Variants in SCEL observed in about 807,000 individuals in gnomAD.
SCEL encodes sciellin.
In SCEL, 113 loss-of-function variants were observed where a neutral mutation model predicts 117.6. The ratio of observed to expected loss-of-function variants is 0.96; its 90% CI spans 0.83 to 1.12. The LOEUF is 1.12. Ranked by LOEUF, SCEL falls within the 50% of genes most tolerant of loss-of-function variation. The probability of loss-of-function intolerance (pLI) is 0.00; values close to 1 mark genes in which losing one functional copy is unlikely to be tolerated. For synonymous variants in SCEL, 270 were observed against 256.2 expected (o/e 1.05, Z -0.51); for missense variants, 785 against 810.8 (o/e 0.97, Z 0.39).
At chr13:77,605,254 A>G (rs1290551563) in intron 19 of SCEL, among the ~76,000 whole-genome samples, 1 of 152,168 alleles carries the variant, frequency 6.6e-6, no homozygotes, top group Non-Finnish European at 1.5e-5. Context: ...CTGCAGGCCC[A>G]GTTGGGAGGG....
intron 29 of SCEL, 53 bp downstream of exon 29, chr13:77,634,503 T>C: frequency 3.8e-6 from 5 of 1,326,794 alleles, no homozygotes; most frequent in Non-Finnish European, 5.4e-6. Flanking sequence ...TTTGAAAGGA[T>C]CTATGTTTAA....
Position 77,597,556 on chromosome 13 carries a change from A to G in SCEL, c.764A>G (p.Asp255Gly). 1 of 1,491,144 alleles carries G rather than the reference A, an allele frequency of 6.7e-7. No homozygotes were observed. Among genetic ancestry groups the G allele is most frequent in the African/African-American group, 1.4e-5 (1 of 69,798 alleles). The allele number at this position is 1,491,144 out of a possible 1,614,324, so 92.4% of individuals were successfully genotyped here. A position where few individuals can be genotyped will look rare whatever the true frequency, so the allele number is the denominator to read the frequency against. Reference protein sequence around the residue: ...LQRSDKGEELDNLIKMNKSLN... With the variant: ...LQRSDKGEELGNLIKMNKSLN... ...TTCTCTTCCCAAAGTGAAGAATTGG[A>G]TAATCTCATCAAAATGAACAAAAGC... The change falls in exon 13 of 33, where the codon GAT becomes GGT. Residue 255 changes from aspartate to glycine, a missense_variant. Coordinates refer to ENST00000349847, the MANE Select transcript of SCEL (RefSeq NM_144777.3).
At position 77,556,675 on chromosome 13, in the gene SCEL, GGATAACA is replaced by G; in HGVS notation, c.125_131del (p.Asp42ValfsTer3). The G allele has an allele frequency of 6.2e-7, 1 of 1,614,060 alleles. No individual in the cohort carries two copies. The highest frequency in any genetic ancestry group is 1.1e-5 in the South Asian group (1 of 91,082). ...TGAACAAAAGAAGAACTTTCTTACAGGATAACAGTTGGATAAAGAAACGCCCTGAAGA... is the reference window on the plus strand; with the variant it reads ...TGAACAAAAGAAGAACTTTCTTACAGGTTGGATAAAGAAACGCCCTGAAGA... On this transcript the variant is annotated frameshift_variant, in exon 3 of 33. Coordinates refer to ENST00000349847, the MANE Select transcript of SCEL (RefSeq NM_144777.3). LOFTEE classifies it high-confidence loss of function.
Position 77,571,653 on chromosome 13 carries a change from C to T in SCEL, c.480-471C>T, listed in dbSNP as rs144616154. 2.5e-3 allele frequency among the ~76,000 whole-genome samples: 383 copies of T among 151,590 alleles called. 1 individual carries two copies. The highest frequency in any genetic ancestry group is 8.8e-3 in the African/African-American group (364 of 41,370). On this transcript the variant is annotated intron_variant, in intron 8 of 32. Transcript: ENST00000349847. ...GTGGTGAGCGGAGATCGCGCCATTACACTCCGGCCTGGGCAACAAGAGCGA... is the reference window on the plus strand; with the variant it reads ...GTGGTGAGCGGAGATCGCGCCATTATACTCCGGCCTGGGCAACAAGAGCGA...
chr13:77,548,093 C>A (rs2084094481), intron 1 of SCEL, among the ~76,000 whole-genome samples: 1 of 152,124 alleles, frequency 6.6e-6, no homozygotes, highest in Non-Finnish European at 1.5e-5. Flanking sequence ...TTAGGGTCTG[C>A]TAGGAAGGGA....
At chr13:77,572,024 T>C in intron 8 of SCEL, 100 bp from the exon 9 acceptor site, 1 of 950,160 alleles carries the variant, frequency 1.1e-6, no homozygotes. Flanking sequence ...CAAGGTTTGG[T>C]ATAATCTCAT....
chr13:77,562,026 T>C (rs9593237), intron 4 of SCEL, among the ~76,000 whole-genome samples: 69,157 of 152,036 alleles, frequency 0.45, 17,305 homozygotes, highest in Middle Eastern at 0.55. Flanking sequence ...AGTTTGACCA[T>C]GTACATGTTC....
chr13:77,543,375 G>C (rs150861503), intron 1 of SCEL, among the ~76,000 whole-genome samples: 1 of 152,002 alleles, frequency 6.6e-6, no homozygotes, highest in African/African-American at 2.4e-5. Flanking sequence ...GAGCCACCGC[G>C]CCCGGCCAAC....
chr13:77,558,023 G>A (rs2084758524), intron 3 of SCEL, among the ~76,000 whole-genome samples: 1 of 152,164 alleles, frequency 6.6e-6, no homozygotes, highest in Non-Finnish European at 1.5e-5. Flanking sequence ...AGCACTATTG[G>A]ACAACAATCA....
intron 8 of SCEL, among the ~76,000 whole-genome samples, chr13:77,570,651 A>G (rs1200801113): frequency 1.3e-5 from 2 of 152,180 alleles, no homozygotes; most frequent in African/African-American, 2.4e-5. Flanking sequence ...TCTGTAGTGC[A>G]TATCATTCTC....
At chr13:77,553,083 T>G (rs1344045639) in intron 1 of SCEL, among the ~76,000 whole-genome samples, 2 of 152,200 alleles carry the variant, frequency 1.3e-5, no homozygotes, top group African/African-American at 4.8e-5. Flanking sequence ...TTAAAGGCCC[T>G]GTCTCCAAAT....
chr13:77,613,821 T>C (rs2088840785), intron 23 of SCEL, 72 bp from the exon 24 acceptor site: 4 of 1,142,572 alleles, frequency 3.5e-6, no homozygotes, highest in Non-Finnish European at 5.3e-6. Context: ...TTCTATTGAA[T>C]GACTTGCACC....
intron 12 of SCEL, among the ~76,000 whole-genome samples, chr13:77,596,377 A>C (rs542373352): frequency 6.6e-6 from 1 of 152,288 alleles, no homozygotes; most frequent in African/African-American, 2.4e-5. Flanking sequence ...CAAAAAATTT[A>C]GTAATGACAG....
chr13:77,615,156 T>C (rs1338722738), intron 24 of SCEL, among the ~76,000 whole-genome samples: 1 of 152,028 alleles, frequency 6.6e-6, no homozygotes, highest in African/African-American at 2.4e-5. Context: ...ACAGAGGCAG[T>C]AAAATTCATA....
At chr13:77,611,537 C>T (rs1294727453) in intron 22 of SCEL, among the ~76,000 whole-genome samples, 1 of 152,172 alleles carries the variant, frequency 6.6e-6, no homozygotes, top group Non-Finnish European at 1.5e-5. Flanking sequence ...TTTTCCCTCT[C>T]CCGAGATGAC....
chr13:77,571,306 G>A (rs944029832), intron 8 of SCEL, among the ~76,000 whole-genome samples: 5 of 150,042 alleles, frequency 3.3e-5, no homozygotes, highest in Non-Finnish European at 7.4e-5. Context: ...GCAGAATCGC[G>A]GAGGGCGGAG....
chr13:77,556,634 C>G lies in SCEL; in HGVS notation c.82C>G (p.Gln28Glu). 6.2e-7 allele frequency: 1 copy of G among 1,614,030 alleles called. No individual in the cohort carries two copies. Among genetic ancestry groups the G allele is most frequent in the Non-Finnish European group, 8.5e-7 (1 of 1,179,936 alleles). ...STTQGTTRKQ[Q>E]DFHEVNKRRT... ...CACTCAGGGAACCACACGGAAGCAGCAGGATTTTCACGAGGTGAACAAAAG... is the reference window on the plus strand; with the variant it reads ...CACTCAGGGAACCACACGGAAGCAGGAGGATTTTCACGAGGTGAACAAAAG... Residue 28 changes from glutamine to glutamate, a missense_variant, in exon 3 of 33, where the codon CAG becomes GAG. Transcript: ENST00000349847.
At chr13:77,601,955 A>T in intron 15 of SCEL, 110 bp from the exon 16 acceptor site, 1 of 763,932 alleles carries the variant, frequency 1.3e-6, no homozygotes, top group Non-Finnish European at 2.0e-6. Flanking sequence ...GTATCTTATG[A>T]GATTCTCTTG....
chr13:77,576,540 A>G (rs1476368914), intron 9 of SCEL, among the ~76,000 whole-genome samples: 2 of 152,134 alleles, frequency 1.3e-5, no homozygotes, highest in Admixed American at 6.5e-5. Flanking sequence ...TTCTTCATTT[A>G]TATCCACTCC....
Sources: gnomAD v4.1 joint callset for allele counts (sites outside exome capture counted in the v4.1 genomes callset) on GRCh38, gnomAD v4.1.1 for gene constraint, MANE v1.5 for transcripts, NCBI Gene and HGNC (gene_info 2026-07-23, HGNC 2026-07-21) for gene names.